Variants in LARP4B observed in about 807,000 individuals in gnomAD.
The protein encoded by LARP4B is La ribonucleoprotein 4B, also known as la-related protein 4B.
Under a neutral mutation model 89.8 loss-of-function variants are expected in LARP4B, and 12 were observed. That is an observed-to-expected ratio of 0.13 (90% CI 0.09 to 0.22). LARP4B has a LOEUF of 0.22. Ranked by LOEUF, LARP4B falls within the 10% of genes least tolerant of loss-of-function variation. The probability of loss-of-function intolerance (pLI) is 1.00; values close to 1 mark genes in which losing one functional copy is unlikely to be tolerated. For synonymous variants in LARP4B, 367 were observed against 363.3 expected, an observed-to-expected ratio of 1.01 and a Z score of -0.12; for missense variants, 757 against 947.7, an observed-to-expected ratio of 0.80 and a Z score of 2.64.
upstream of LARP4B, among the ~76,000 whole-genome samples, chr10:936,681 C>T (rs1830751806): frequency 6.6e-6 from 1 of 152,156 alleles, no homozygotes; most frequent in Non-Finnish European, 1.5e-5. Flanking sequence ...GAGATCGTGC[C>T]ATTGCACTCC....
intron 7 of LARP4B, among the ~76,000 whole-genome samples, chr10:840,445 G>A (rs1219880251): frequency 6.6e-6 from 1 of 152,100 alleles, no homozygotes; most frequent in Non-Finnish European, 1.5e-5. Context: ...GTATCACCTT[G>A]CACAAATTTG....
At chr10:914,829 C>CCCAAA (rs1418822881) in intron 1 of LARP4B, among the ~76,000 whole-genome samples, 6 of 100,502 alleles carry the variant, frequency 6.0e-5, no homozygotes, top group African/African-American at 1.2e-4. Flanking sequence ...CACCCCCCAG[C>CCCAAA]AAAGAAAAAA....
intron 1 of LARP4B, among the ~76,000 whole-genome samples, chr10:909,824 T>A (rs1189379274): frequency 6.6e-6 from 1 of 152,172 alleles, no homozygotes; most frequent in African/African-American, 2.4e-5. Flanking sequence ...ATTTTTTTTT[T>A]AATCTTACTT....
At chr10:850,491 C>CTGA (rs1000112401) in intron 5 of LARP4B, among the ~76,000 whole-genome samples, 3 of 152,156 alleles carry the variant, frequency 2.0e-5, no homozygotes, top group African/African-American at 7.2e-5. Context: ...GAAGCAAAAA[C>CTGA]TGATAAAACT....
intron 5 of LARP4B, among the ~76,000 whole-genome samples, chr10:854,694 G>T (rs1482698593): frequency 6.6e-6 from 1 of 152,072 alleles, no homozygotes; most frequent in Non-Finnish European, 1.5e-5. Context: ...AACACAGGGA[G>T]AGCAAATTTA....
intron 1 of LARP4B, among the ~76,000 whole-genome samples, chr10:924,062 G>A (rs1313564265): frequency 2.0e-5 from 3 of 151,566 alleles, no homozygotes; most frequent in Admixed American, 2.0e-4. Context: ...AGTGAGACCC[G>A]CCACCTCTAC....
At chr10:966,855 GAGA>G in the LARP4B span, among the ~76,000 whole-genome samples, 1 of 152,194 alleles carries the variant, frequency 6.6e-6, no homozygotes, top group Non-Finnish European at 1.5e-5. Flanking sequence ...CTGATGCCTG[GAGA>G]AGGTGTGTTC....
At chr10:823,724 C>G (rs1832474152) in intron 13 of LARP4B, among the ~76,000 whole-genome samples, 1 of 151,944 alleles carries the variant, frequency 6.6e-6, no homozygotes, top group Non-Finnish European at 1.5e-5. Context: ...AACCCTCCTC[C>G]CTCCAAGCGT....
At chr10:964,806 A>G in the LARP4B span, among the ~76,000 whole-genome samples, 1 of 152,004 alleles carries the variant, frequency 6.6e-6, no homozygotes, top group Non-Finnish European at 1.5e-5. Flanking sequence ...GGAGAGAGGG[A>G]CCTCACCAGC....
chr10:934,316 T>C (rs775262244), upstream of LARP4B, among the ~76,000 whole-genome samples: 1 of 151,720 alleles, frequency 6.6e-6, no homozygotes, highest in Non-Finnish European at 1.5e-5. Flanking sequence ...GGGCAATATG[T>C]CAAAGCCCCA....
At chr10:893,665 T>C (rs774395854) in intron 1 of LARP4B, among the ~76,000 whole-genome samples, 16 of 152,208 alleles carry the variant, frequency 1.1e-4, no homozygotes, top group Non-Finnish European at 2.2e-4. Context: ...TTAATTACTT[T>C]GTAGAATGTT....
chr10:889,952 G>A (rs1447626543), intron 1 of LARP4B, among the ~76,000 whole-genome samples: 2 of 152,202 alleles, frequency 1.3e-5, no homozygotes, highest in African/African-American at 2.4e-5. Context: ...AAAAGGATCA[G>A]AAGGGATAAC....
At chr10:884,820 T>C (rs1835801941) in intron 2 of LARP4B, among the ~76,000 whole-genome samples, 1 of 152,190 alleles carries the variant, frequency 6.6e-6, no homozygotes, top group Non-Finnish European at 1.5e-5. Context: ...GTCAAAAAAA[T>C]GTATATTAAA....
chr10:917,731 T>C (rs1267657821), intron 1 of LARP4B, among the ~76,000 whole-genome samples: 1 of 152,280 alleles, frequency 6.6e-6, no homozygotes, highest in Non-Finnish European at 1.5e-5. Context: ...CTTGGCTTCC[T>C]AGCCTTGAGG....
At chr10:889,975 G>A (rs558974427) in intron 1 of LARP4B, among the ~76,000 whole-genome samples, 9 of 152,278 alleles carry the variant, frequency 5.9e-5, no homozygotes, top group African/African-American at 1.2e-4. Flanking sequence ...TAACAATCCC[G>A]TATCCTGAGG....
chr10:921,671 T>C (rs1836983794), intron 1 of LARP4B, among the ~76,000 whole-genome samples: 1 of 152,184 alleles, frequency 6.6e-6, no homozygotes, highest in Non-Finnish European at 1.5e-5. Flanking sequence ...TTCACTGGAA[T>C]TTCTCCAGGT....
chr10:931,114 G>A (rs1830588662), intron 1 of LARP4B, among the ~76,000 whole-genome samples: 1 of 150,464 alleles, frequency 6.6e-6, no homozygotes, highest in Admixed American at 6.6e-5. Flanking sequence ...CCCCGGCCCC[G>A]GCCTTCCCCT....
intron 7 of LARP4B, among the ~76,000 whole-genome samples, chr10:837,389 G>A (rs1486124203): frequency 2.6e-5 from 4 of 152,170 alleles, no homozygotes; most frequent in South Asian, 2.1e-4. Flanking sequence ...GGTAGAATGC[G>A]TGAATTCTTC....
intron 3 of LARP4B, among the ~76,000 whole-genome samples, chr10:864,961 A>C (rs1455629330): frequency 6.6e-6 from 1 of 152,210 alleles, no homozygotes; most frequent in Non-Finnish European, 1.5e-5. Flanking sequence ...CTAAAACAAA[A>C]GAAAGAAAGA....
Sources: allele counts gnomAD v4.1 joint callset (sites outside exome capture counted in the v4.1 genomes callset), GRCh38; gene constraint gnomAD v4.1.1; transcripts MANE v1.5; gene names NCBI Gene and HGNC (gene_info 2026-07-23, HGNC 2026-07-21).